Variants in ARID3A observed in about 807,000 individuals in gnomAD.
The protein encoded by ARID3A is AT-rich interactive domain-containing protein 3A.
In ARID3A, 11 loss-of-function variants were observed where a neutral mutation model predicts 52.7. That is an observed-to-expected ratio of 0.21 (90% CI 0.13 to 0.35). The LOEUF is 0.35. Among genes scored for constraint, ARID3A ranks in the 10% least tolerant of loss-of-function variants. The pLI, the probability that ARID3A is intolerant of heterozygous loss-of-function variation, is 1.00. For synonymous variants in ARID3A, 404 were observed against 359.4 expected (o/e 1.12, Z -1.40); for missense variants, 721 against 838.5 (o/e 0.86, Z 1.73).
intron 2 of ARID3A, among the ~76,000 whole-genome samples, chr19:930,751 T>C (rs376577832): frequency 0.036 from 5,458 of 150,808 alleles, 147 homozygotes; most frequent in Non-Finnish European, 0.05. Context: ...CCTCATGATC[T>C]GCCTGCCTTG....
At chr19:932,273 A>G in intron 2 of ARID3A, 145 bp from the exon 3 acceptor site, 2 of 1,441,488 alleles carry the variant, frequency 1.4e-6, no homozygotes, top group Non-Finnish European at 1.9e-6. Flanking sequence ...TGTGCTCATG[A>G]GCGCTCTCTG....
intron 3 of ARID3A, among the ~76,000 whole-genome samples, chr19:955,226 C>A (rs2037892553): frequency 1.3e-5 from 2 of 152,226 alleles, no homozygotes; most frequent in African/African-American, 4.8e-5. Context: ...CTTTCCCATC[C>A]CTGGGGCCTC....
intron 3 of ARID3A, among the ~76,000 whole-genome samples, chr19:934,374 C>T (rs1457743425): frequency 6.6e-6 from 1 of 152,188 alleles, no homozygotes; most frequent in African/African-American, 2.4e-5. Context: ...GGGCCAGGCG[C>T]CCTGACCCCA....
At chr19:943,702 G>GCCCCCA (rs1382158150) in intron 3 of ARID3A, among the ~76,000 whole-genome samples, 6 of 152,348 alleles carry the variant, frequency 3.9e-5, no homozygotes, top group African/African-American at 1.4e-4. Context: ...AGCTGGGAGA[G>GCCCCCA]GAGGGAAGGA....
In ARID3A at chr19:974,929, G is replaced by C. The variant is rs1410092349; in HGVS notation, c.*2864G>C. On this transcript the variant is annotated 3_prime_UTR_variant, in exon 9 of 9. Coordinates refer to ENST00000263620, the MANE Select transcript of ARID3A (RefSeq NM_005224.3). ...CAGGAGAAGGAAGTCGCTGAAGGCA[G>C]TGGCCATGCTGGCCGTGGAAATGGG... 1 of 229,264 alleles carries C rather than the reference G, an allele frequency of 4.4e-6. No homozygotes were observed. Among genetic ancestry groups the C allele is most frequent in the Non-Finnish European group, 8.7e-6 (1 of 115,548 alleles). 14.2% of individuals were successfully genotyped at this position (229,264 alleles called of 1,614,324 possible).
rs2038359446 is a variant in ARID3A, at chr19:975,395, G to A, written c.*3330G>A. The A allele has an allele frequency of 4.3e-6, 1 of 231,696 alleles. No individual in the cohort carries two copies. The highest frequency in any genetic ancestry group is 8.5e-6 in the Non-Finnish European group (1 of 117,122). The allele number at this position is 231,696 out of a possible 1,614,324, so 14.4% of individuals were successfully genotyped here. A position where few individuals can be genotyped will look rare whatever the true frequency, so the allele number is the denominator to read the frequency against. ...GGGGCAGCTGGGGTCGTTGTTAAGG[G>A]TCACGCATCTGTACAGTTGAATTTC... On this transcript the variant is annotated 3_prime_UTR_variant, in exon 9 of 9. Coordinates refer to ENST00000263620, the MANE Select transcript of ARID3A (RefSeq NM_005224.3).
At chr19:962,814 C>T (rs1251636529) in intron 4 of ARID3A, among the ~76,000 whole-genome samples, 2 of 152,184 alleles carry the variant, frequency 1.3e-5, no homozygotes, top group African/African-American at 4.8e-5. Flanking sequence ...CGCGCCCGGC[C>T]TGATGCCGTT....
At chr19:961,105 G>T (rs566320604) in intron 4 of ARID3A, among the ~76,000 whole-genome samples, 2 of 152,348 alleles carry the variant, frequency 1.3e-5, no homozygotes, top group South Asian at 4.1e-4. Flanking sequence ...AGGGCAGGGA[G>T]CTAGCTCCGA....
chr19:936,091 G>A (rs534288114), intron 3 of ARID3A, among the ~76,000 whole-genome samples: 3 of 151,730 alleles, frequency 2.0e-5, no homozygotes, highest in Non-Finnish European at 2.9e-5. Flanking sequence ...CGCCCGGCCC[G>A]TGATGGGATT....
Position 932,488 on chromosome 19 carries a change from T to C in ARID3A, c.439T>C (p.Tyr147His). The C allele has an allele frequency of 6.4e-7, 1 of 1,568,528 alleles. No individual in the cohort carries two copies. The highest frequency in any genetic ancestry group is 8.6e-7 in the Non-Finnish European group (1 of 1,163,674). The change falls in exon 3 of 9, where the codon TAC (tyrosine) becomes CAC (histidine). Residue 147 changes from tyrosine (Y) to histidine (H), a missense_variant. By Grantham distance (83) the Tyr-to-His change is moderately conservative. This residue lies in a region of ARID3A where 349 missense variants were observed against 297.3 expected (regional missense o/e 1.17). Coordinates refer to ENST00000263620, the MANE Select transcript of ARID3A (RefSeq NM_005224.3). ...GGATGAGGAGGAGGAGGAGGAGGAT[T>C]ACGAGGATGAGGAGGAGGAGGAGGA... ...GEDEEEEEED[Y>H]EDEEEEEDEE...
At chr19:945,456 C>A (rs920518502) in intron 3 of ARID3A, among the ~76,000 whole-genome samples, 54 of 152,080 alleles carry the variant, frequency 3.6e-4, no homozygotes, top group African/African-American at 1.2e-3. Context: ...CCCAGCCCAC[C>A]TCCGTCTGCT....
In ARID3A at chr19:953,485, G is replaced by A. The variant is rs975343132; in HGVS notation, c.694-6607G>A. Reference sequence around the variant, plus strand: ...CCCCAGGCCTCCCACACCCCCCCCCGTGCAGAGCCGGGGGAGTGTCAGGGT... The same window carrying A: ...CCCCAGGCCTCCCACACCCCCCCCCATGCAGAGCCGGGGGAGTGTCAGGGT... On this transcript the variant is annotated intron_variant, in intron 3 of 8. Coordinates refer to ENST00000263620, the MANE Select transcript of ARID3A (RefSeq NM_005224.3). Among the ~76,000 whole-genome samples the A allele has an allele frequency of 2.8e-5, 4 of 145,450 alleles. No homozygotes were observed. The East Asian group carries it at 8.2e-4, about 30-fold the overall frequency.
chr19:940,582 A>C (rs1030470294), intron 3 of ARID3A, among the ~76,000 whole-genome samples: 5 of 152,070 alleles, frequency 3.3e-5, no homozygotes, highest in African/African-American at 1.2e-4. Flanking sequence ...AAGAAGGAGA[A>C]GGAGGAGAAT....
chr19:968,030 G>A (rs1380471872), intron 7 of ARID3A, among the ~76,000 whole-genome samples: 1 of 142,424 alleles, frequency 7.0e-6, no homozygotes, highest in Admixed American at 7.2e-5. Context: ...GGGTGACAGA[G>A]TGAGACTCCG....
At position 971,926 on chromosome 19, in the gene ARID3A, A is replaced by G; in HGVS notation, c.1643A>G (p.Asn548Ser). The change falls in exon 9 of 9, where the codon AAC (asparagine) becomes AGC (serine). Residue 548 changes from asparagine to serine, a missense_variant. By Grantham distance (46) the Asn-to-Ser change is conservative. Around this residue, in one of 5 missense-constraint regions of ARID3A, gnomAD observed 297 missense variants for 343.2 expected, o/e 0.87. Transcript: ENST00000263620. ...PPAPTPTSAP[N>S]KGGGGGGGSS... ...GCCCCCACGCCAACCTCTGCTCCCA[A>G]CAAAGGAGGCGGCGGCGGCGGCGGC... The G allele has an allele frequency of 6.2e-7, 1 of 1,603,796 alleles. No individual in the cohort carries two copies. Among genetic ancestry groups the G allele is most frequent in the Non-Finnish European group, 8.5e-7 (1 of 1,175,536 alleles).
chr19:933,473 C>T (rs1203407337), intron 3 of ARID3A, among the ~76,000 whole-genome samples: 1 of 152,178 alleles, frequency 6.6e-6, no homozygotes, highest in Non-Finnish European at 1.5e-5. Flanking sequence ...CCTCGTCCAG[C>T]TGGGCTCTGC....
intron 3 of ARID3A, among the ~76,000 whole-genome samples, chr19:952,853 C>T (rs1016374221): frequency 2.0e-5 from 3 of 152,188 alleles, no homozygotes; most frequent in African/African-American, 7.2e-5. Flanking sequence ...GGGCCCCCCG[C>T]AGCTGCTGGG....
At chr19:952,972 G>T (rs1245460629) in intron 3 of ARID3A, among the ~76,000 whole-genome samples, 2 of 152,170 alleles carry the variant, frequency 1.3e-5, no homozygotes, top group Non-Finnish European at 2.9e-5. Context: ...ACTGCTGGGG[G>T]AGGGGCCGCA....
At chr19:935,829 C>A (rs755554744) in intron 3 of ARID3A, among the ~76,000 whole-genome samples, 2 of 151,998 alleles carry the variant, frequency 1.3e-5, no homozygotes, top group Admixed American at 6.6e-5. Context: ...CTCGCTCTGT[C>A]GCCCAGGCTG....
Sources: gnomAD v4.1 joint callset for allele counts (sites outside exome capture counted in the v4.1 genomes callset) on GRCh38, gnomAD v4.1.1 for gene constraint, gnomAD v4.1.1 regional missense constraint, MANE v1.5 for transcripts, NCBI Gene and HGNC (gene_info 2026-07-23, HGNC 2026-07-21) for gene names.